LTAP1: variants seen among roughly 807,000 people sequenced by gnomAD.
The protein encoded by LTAP1 is lipid transport auxiliary protein 1.
At chr1:154,220,256 G>A in the LTAP1 span, 1 of 1,490,020 alleles carries the variant, frequency 6.7e-7, no homozygotes, top group African/African-American at 1.4e-5. Flanking sequence ...TGAGTGGGTG[G>A]AGAATGCAGA....
the LTAP1 span, chr1:154,214,012 T>C: frequency 6.9e-7 from 1 of 1,458,554 alleles, no homozygotes; most frequent in South Asian, 1.2e-5. Flanking sequence ...GCGTGGTGGC[T>C]CATGCCTGTA....
chr1:154,219,450 G>C, the LTAP1 span, among the ~76,000 whole-genome samples: 19 of 152,172 alleles, frequency 1.2e-4, no homozygotes, highest in Non-Finnish European at 1.9e-4. Flanking sequence ...CTCCTCTTAA[G>C]TCTAAAATTA....
chr1:154,220,574 G>A, the LTAP1 span: 3 of 672,910 alleles, frequency 4.5e-6, no homozygotes, highest in African/African-American at 3.6e-5. Flanking sequence ...GGACAGGCAG[G>A]AGAGCTGGGA....
At chr1:154,220,035 G>T in the LTAP1 span, 2 of 1,095,396 alleles carry the variant, frequency 1.8e-6, no homozygotes, top group Non-Finnish European at 2.6e-6. Context: ...CCAGATTCCG[G>T]CTCTCAGGAA....
chr1:154,213,731 C>T, the LTAP1 span, among the ~76,000 whole-genome samples: 1 of 152,192 alleles, frequency 6.6e-6, no homozygotes, highest in Non-Finnish European at 1.5e-5. Flanking sequence ...ATATCATTTC[C>T]TTCAGCAAAA....
the LTAP1 span, chr1:154,214,642 G>C: frequency 1.0e-6 from 1 of 978,762 alleles, no homozygotes; most frequent in African/African-American, 1.6e-5. Context: ...TGTGAAAATG[G>C]GGCAGAGTTA....
the LTAP1 span, among the ~76,000 whole-genome samples, chr1:154,211,167 G>C: frequency 3.7e-5 from 5 of 136,558 alleles, no homozygotes; most frequent in Non-Finnish European, 7.4e-5. Context: ...AGCATGCCCA[G>C]CTAATTTTTG....
At chr1:154,207,089 C>G in the LTAP1 span, 1 of 208,906 alleles carries the variant, frequency 4.8e-6, no homozygotes, top group African/African-American at 2.4e-5. Flanking sequence ...GAAGACATCT[C>G]ACTCCAACTC....
chr1:154,219,044 G>T, the LTAP1 span, among the ~76,000 whole-genome samples: 2 of 152,214 alleles, frequency 1.3e-5, no homozygotes, highest in African/African-American at 4.8e-5. Context: ...GGGTCCCAGT[G>T]ATCTGGGGAG....
chr1:154,214,698 A>G, the LTAP1 span: 1 of 633,214 alleles, frequency 1.6e-6, no homozygotes, highest in African/African-American at 1.8e-5. Context: ...TCATGTAGTT[A>G]ATAAAATTAC....
At chr1:154,212,404 G>A in the LTAP1 span, 1 of 1,614,040 alleles carries the variant, frequency 6.2e-7, no homozygotes, top group East Asian at 2.2e-5. Context: ...GGAAGAGTGA[G>A]GATCTCTCAG....
the LTAP1 span, chr1:154,212,115 C>T: frequency 1.7e-6 from 1 of 579,232 alleles, no homozygotes; most frequent in Non-Finnish European, 3.1e-6. Context: ...CCTCGGCCTC[C>T]CAAAGTGCTG....
the LTAP1 span, chr1:154,212,547 G>C: frequency 3.7e-6 from 6 of 1,614,162 alleles, no homozygotes; most frequent in Non-Finnish European, 5.1e-6. Context: ...CTAGTGTTTC[G>C]CAGATCCAGC....
At chr1:154,207,270 A>G in the LTAP1 span, 31 of 555,634 alleles carry the variant, frequency 5.6e-5, no homozygotes, top group Non-Finnish European at 9.2e-5. Flanking sequence ...AAAAATGCTC[A>G]TAAGGAAGGG....
chr1:154,207,131 G>A, the LTAP1 span: 1 of 249,654 alleles, frequency 4.0e-6, no homozygotes, highest in Non-Finnish European at 7.8e-6. Flanking sequence ...CCTGGAACAG[G>A]GAAGGTGAAC....
the LTAP1 span, among the ~76,000 whole-genome samples, chr1:154,218,479 T>C: frequency 4.6e-5 from 7 of 152,224 alleles, no homozygotes; most frequent in Non-Finnish European, 7.3e-5. Flanking sequence ...TGTTAAGGTT[T>C]CAAGCCAGGA....
the LTAP1 span, among the ~76,000 whole-genome samples, chr1:154,211,321 A>ATTTT: frequency 1.1e-5 from 1 of 92,824 alleles, no homozygotes; most frequent in African/African-American, 4.7e-5. Flanking sequence ...ATGTTATTTA[A>ATTTT]TTCTTTTTTT....
At chr1:154,208,609 C>G in the LTAP1 span, 1 of 152,062 alleles carries the variant, frequency 6.6e-6, no homozygotes, top group Non-Finnish European at 1.5e-5. Flanking sequence ...GATTAGGAAA[C>G]TAAGGGTCCA....
the LTAP1 span, chr1:154,213,079 G>A: frequency 6.2e-6 from 1 of 161,840 alleles, no homozygotes; most frequent in Non-Finnish European, 1.4e-5. Context: ...GGCCGGGGCA[G>A]GCAGATCACC....
Sources: allele counts gnomAD v4.1 joint callset (sites outside exome capture counted in the v4.1 genomes callset), GRCh38; gene constraint gnomAD v4.1.1; transcripts MANE v1.5; gene names NCBI Gene and HGNC (gene_info 2026-07-23, HGNC 2026-07-21).